Variants in GREB1 observed in about 807,000 individuals in gnomAD.
The protein encoded by GREB1 is growth regulating estrogen receptor binding 1, also known as protein GREB1.
A neutral mutation model predicts 200.7 loss-of-function variants in GREB1; 106 were observed. The observed-to-expected ratio is 0.53, with a 90% CI of 0.45 to 0.62. The LOEUF is 0.62. GREB1 is among the 20% of genes least tolerant of loss of function. The pLI is 0.00. For synonymous variants in GREB1, 1,132 were observed against 1,092.4 expected, an observed-to-expected ratio of 1.04 and a Z score of -0.72; for missense variants, 2,243 against 2,556.8, an observed-to-expected ratio of 0.88 and a Z score of 2.65.
intron 6 of GREB1, among the ~76,000 whole-genome samples, chr2:11,579,982 T>C (rs1679296204): frequency 6.6e-6 from 1 of 152,204 alleles, no homozygotes; most frequent in African/African-American, 2.4e-5. Flanking sequence ...GACTCACAGT[T>C]CTACATGGCT....
chr2:11,552,572 C>T (rs534321722), intron 1 of GREB1, among the ~76,000 whole-genome samples: 2 of 152,316 alleles, frequency 1.3e-5, no homozygotes, highest in South Asian at 2.1e-4. Context: ...CCAGATGTAC[C>T]TCCGCGGCAG....
chr2:11,490,112 TA>T (rs1252840880), intron 1 of GREB1, among the ~76,000 whole-genome samples: 2 of 152,226 alleles, frequency 1.3e-5, no homozygotes, highest in African/African-American at 4.8e-5. Flanking sequence ...TCAGTGCTTT[TA>T]AATATATTCA....
At chr2:11,500,459 A>ATT (rs5829310) in intron 1 of GREB1, among the ~76,000 whole-genome samples, 4 of 141,662 alleles carry the variant, frequency 2.8e-5, no homozygotes, top group African/African-American at 1.0e-4. Context: ...GTGCCTGGCC[A>ATT]TTTTTTTTTT....
At chr2:11,483,247 GGTGTGCGTGTGTGCACGT>G (rs796988689) in intron 1 of GREB1, among the ~76,000 whole-genome samples, 26 of 148,708 alleles carry the variant, frequency 1.7e-4, no homozygotes, top group African/African-American at 6.4e-4. Context: ...TGCGTGTATG[GGTGTGCGTGTGTGCACGT>G]GTGTGCGTGT....
intron 4 of GREB1, among the ~76,000 whole-genome samples, chr2:11,572,398 G>A (rs1394295607): frequency 6.6e-6 from 1 of 152,220 alleles, no homozygotes; most frequent in East Asian, 1.9e-4. Flanking sequence ...GGCCCCAGCA[G>A]TAAACCTGGG....
intron 2 of GREB1, among the ~76,000 whole-genome samples, chr2:11,560,511 G>A (rs2147903010): frequency 6.6e-6 from 1 of 152,232 alleles, no homozygotes; most frequent in East Asian, 1.9e-4. Context: ...GACCAGCCTG[G>A]CCAACATGGT....
rs769399286 is a variant in GREB1, at chr2:11,562,452, C to G, written c.158-11C>G. ...AGCTGCCTTGCTCATCACTCTTCTT[C>G]CCGCATCTAGGTGGTAGCCGAGTGG... On this transcript the variant is annotated splice_polypyrimidine_tract_variant and intron_variant, in intron 2 of 32. Coordinates refer to ENST00000381486, the MANE Select transcript of GREB1 (RefSeq NM_014668.4). The G allele has an allele frequency of 4.0e-5, 64 of 1,611,556 alleles. No individual in the cohort carries two copies. Among genetic ancestry groups the G allele is most frequent in the Non-Finnish European group, 5.3e-5 (62 of 1,178,858 alleles).
intron 1 of GREB1, among the ~76,000 whole-genome samples, chr2:11,541,814 C>A (rs77209521): frequency 4.3e-3 from 659 of 152,296 alleles, no homozygotes; most frequent in Non-Finnish European, 6.7e-3. Flanking sequence ...CCTGCATACA[C>A]CTCATGCTGG....
intron 4 of GREB1, among the ~76,000 whole-genome samples, chr2:11,572,502 G>T (rs1181844780): frequency 2.0e-5 from 3 of 152,152 alleles, no homozygotes; most frequent in Non-Finnish European, 1.5e-5. Context: ...ATGTCACTTT[G>T]GTCCTAGAAG....
At position 11,593,030 on chromosome 2, in the gene GREB1, C is replaced by T. The variant is rs1680893076; in HGVS notation, c.1600C>T (p.Arg534Trp). 1.2e-6 allele frequency: 2 copies of T among 1,612,978 alleles called. No homozygotes were observed. The highest frequency in any genetic ancestry group is 1.7e-5 in the Admixed American group (1 of 59,960). Reference sequence around the variant, plus strand: ...GGCCGAGGGCCTCTCCGAGATGTTCCGGCTGTTGGTCGAGGGCAAGCTTGC... The same window carrying T: ...GGCCGAGGGCCTCTCCGAGATGTTCTGGCTGTTGGTCGAGGGCAAGCTTGC... ...SLAEGLSEMFRLLVEGKLAKT... is the reference protein window; with the variant it reads ...SLAEGLSEMFWLLVEGKLAKT... Residue 534 changes from arginine (R) to tryptophan (W), a missense_variant, in exon 11 of 33, where the codon CGG (arginine) becomes TGG (tryptophan). Arg to Trp is a moderately radical substitution (Grantham distance 101). This residue lies in a region of GREB1 where 1,178 missense variants were observed against 1,387.4 expected (regional missense o/e 0.85). Coordinates refer to ENST00000381486, the MANE Select transcript of GREB1 (RefSeq NM_014668.4).
intron 7 of GREB1, 161 bp from the exon 8 acceptor site, chr2:11,585,000 C>T (rs923010125): frequency 2.0e-6 from 1 of 497,474 alleles, no homozygotes; most frequent in Admixed American, 4.0e-5. Context: ...TTGACATTTC[C>T]TTATGCATAG....
chr2:11,604,498 C>T (rs796640016), intron 17 of GREB1, among the ~76,000 whole-genome samples: 1 of 152,290 alleles, frequency 6.6e-6, no homozygotes, highest in South Asian at 2.1e-4. Context: ...TTCTCTCTCC[C>T]CCTCTGCTAA....
intron 9 of GREB1, chr2:11,587,830 G>T: frequency 9.6e-7 from 1 of 1,045,518 alleles, no homozygotes; most frequent in Non-Finnish European, 1.2e-6. Context: ...TGAGGTTTAG[G>T]GCAGTTAAGC....
In GREB1 at chr2:11,598,120, G is replaced by A. The variant is rs1401585338; in HGVS notation, c.2152+142G>A. 1.7e-5 allele frequency: 13 copies of A among 744,252 alleles called. No homozygotes were observed. The African/African-American group carries it at 2.1e-4, about 12-fold the overall frequency. 46.1% of individuals were successfully genotyped at this position (744,252 alleles called of 1,614,324 possible). A position where few individuals can be genotyped will look rare whatever the true frequency, so the allele number is the denominator to read the frequency against. ...TTGTTTTATAGATTGTGAAACTGAT[G>A]TTCAGAGACAGTGACTTGCCCAAGA... On this transcript the variant is annotated intron_variant, in intron 14 of 32. Transcript: ENST00000381486.
intron 1 of GREB1, among the ~76,000 whole-genome samples, chr2:11,496,591 A>G (rs1251859094): frequency 6.7e-6 from 1 of 148,466 alleles, no homozygotes; most frequent in Non-Finnish European, 1.5e-5. Flanking sequence ...CAGGTCACAC[A>G]GCGTTATGGC....
intron 1 of GREB1, among the ~76,000 whole-genome samples, chr2:11,500,435 C>T (rs894402683): frequency 8.6e-5 from 13 of 150,654 alleles, no homozygotes; most frequent in African/African-American, 2.7e-4. Context: ...CTGGGATTAC[C>T]GGCGTAAGCC....
intron 1 of GREB1, among the ~76,000 whole-genome samples, chr2:11,537,715 ATAT>A (rs1674360647): frequency 6.8e-6 from 1 of 147,516 alleles, no homozygotes. Context: ...TTAGATAAAT[ATAT>A]GATATTTATA....
rs1000115423 is a variant in GREB1, at chr2:11,598,923, G to A, written c.2333+63G>A. 4.4e-6 allele frequency: 6 copies of A among 1,357,514 alleles called. No homozygotes were observed. In the African/African-American group the frequency reaches 5.7e-5, roughly 13 times the overall value. 84.1% of individuals were successfully genotyped at this position (1,357,514 alleles called of 1,614,324 possible). A position where few individuals can be genotyped will look rare whatever the true frequency, so the allele number is the denominator to read the frequency against. ...CTTCTTTGAAGTGATGTATGTGGATGTTCCCGGGGGCTGAGGGTACAAATC... is the reference window on the plus strand; with the variant it reads ...CTTCTTTGAAGTGATGTATGTGGATATTCCCGGGGGCTGAGGGTACAAATC... On this transcript the variant is annotated intron_variant, in intron 15 of 32. Coordinates refer to ENST00000381486, the MANE Select transcript of GREB1 (RefSeq NM_014668.4).
chr2:11,528,313 A>G (rs928698415), intron 1 of GREB1, among the ~76,000 whole-genome samples: 31 of 152,240 alleles, frequency 2.0e-4, no homozygotes, highest in African/African-American at 7.2e-4. Flanking sequence ...AAATCTATCC[A>G]TACAAGGCAA....
Sources: gnomAD v4.1 joint callset for allele counts (sites outside exome capture counted in the v4.1 genomes callset) on GRCh38, gnomAD v4.1.1 for gene constraint, gnomAD v4.1.1 regional missense constraint, MANE v1.5 for transcripts, NCBI Gene and HGNC (gene_info 2026-07-23, HGNC 2026-07-21) for gene names.